The following TANC2 variants were observed in gnomAD, a reference collection of about 807,000 sequenced individuals.
The protein encoded by TANC2 is protein TANC2.
TANC2 carries 26 observed loss-of-function variants against 210.5 expected under a neutral mutation model. The ratio of observed to expected loss-of-function variants is 0.12; its 90% CI spans 0.09 to 0.17. TANC2 has a LOEUF of 0.17. Ranked by LOEUF, TANC2 falls within the 10% of genes least tolerant of loss-of-function variation. The pLI is 1.00. For missense variants in TANC2, 2,129 were observed against 2,608.9 expected, an observed-to-expected ratio of 0.82 and a Z score of 4.01; for synonymous variants, 931 against 967.1, an observed-to-expected ratio of 0.96 and a Z score of 0.69.
intron 2 of TANC2, among the ~76,000 whole-genome samples, chr17:63,072,353 A>G (rs903246041): frequency 2.0e-5 from 3 of 152,114 alleles, no homozygotes; most frequent in South Asian, 2.1e-4. Context: ...TTAAGTTTTA[A>G]TTTCAACAGA....
chr17:63,035,684 G>C (rs58159091), intron 2 of TANC2, among the ~76,000 whole-genome samples: 3,194 of 152,244 alleles, frequency 0.021, 104 homozygotes, highest in African/African-American at 0.071. Context: ...ATGGGTTTTT[G>C]TGTGAACATA....
intron 26 of TANC2, among the ~76,000 whole-genome samples, chr17:63,417,305 C>T (rs2048894061): frequency 6.6e-6 from 1 of 152,174 alleles, no homozygotes; most frequent in African/African-American, 2.4e-5. Context: ...TGACCATAAC[C>T]AGAGGCTACC....
chr17:63,406,021 A>G (rs1326606783), intron 20 of TANC2, 133 bp from the exon 21 acceptor site: 4 of 1,141,166 alleles, frequency 3.5e-6, no homozygotes, highest in African/African-American at 3.1e-5. Context: ...ACAGGTACTT[A>G]TGGGGGAAGT....
intron 2 of TANC2, among the ~76,000 whole-genome samples, chr17:63,016,190 A>G (rs899881124): frequency 3.3e-5 from 5 of 152,250 alleles, no homozygotes; most frequent in South Asian, 4.1e-4. Flanking sequence ...TTTGTACATC[A>G]GAAAATTAAC....
chr17:63,020,381 G>T (rs966463322), intron 2 of TANC2, among the ~76,000 whole-genome samples: 1 of 151,906 alleles, frequency 6.6e-6, no homozygotes, highest in African/African-American at 2.4e-5. Flanking sequence ...ATAGCTAACT[G>T]CAGTCTTAAA....
At chr17:63,355,139 G>A (rs750676383) in exon 14 of TANC2, 1 of 1,613,676 alleles carries the variant, frequency 6.2e-7, no homozygotes, top group Non-Finnish European at 8.5e-7. Flanking sequence ...CCTTTGACCG[G>A]GTGATGCCTC....
intron 7 of TANC2, among the ~76,000 whole-genome samples, chr17:63,220,210 G>A (rs560260990): frequency 6.6e-6 from 1 of 151,568 alleles, no homozygotes; most frequent in African/African-American, 2.4e-5. Context: ...CAGGAGAATC[G>A]CTTGAACCCA....
intron 3 of TANC2, among the ~76,000 whole-genome samples, chr17:63,095,210 C>G (rs577375426): frequency 6.6e-6 from 1 of 151,994 alleles, no homozygotes; most frequent in Non-Finnish European, 1.5e-5. Context: ...GGGTCTTACT[C>G]TGTTGCCCAG....
chr17:63,268,065 C>T (rs2043583419), intron 9 of TANC2, among the ~76,000 whole-genome samples, 192 bp downstream of exon 9: 1 of 152,164 alleles, frequency 6.6e-6, no homozygotes, highest in Admixed American at 6.5e-5. Flanking sequence ...TTGTACTCCT[C>T]ATAGACAGGC....
At chr17:63,109,166 TAAG>T (rs1168023250) in intron 4 of TANC2, among the ~76,000 whole-genome samples, 1 of 151,578 alleles carries the variant, frequency 6.6e-6, no homozygotes, top group Non-Finnish European at 1.5e-5. Context: ...AATGAACTAA[TAAG>T]GAGATCGAGG....
At chr17:63,427,142 G>C (rs2049165279) in exon 28 of TANC2, 1 of 152,260 alleles carries the variant, frequency 6.6e-6, no homozygotes, top group Non-Finnish European at 1.5e-5. Flanking sequence ...GCTCAGGGCA[G>C]GTGCCTTTTC....
In TANC2 at chr17:63,016,455, A is replaced by G. The variant is rs549057279; in HGVS notation, c.67+6829A>G. On this transcript the variant is annotated intron_variant, in intron 2 of 27. Coordinates refer to ENST00000689528, the Ensembl canonical transcript of TANC2. Reference sequence around the variant, plus strand: ...GCTGAATAATATTCTGTTGTGCCACATTTTGTTGGTCTGTTCTTCCTTTGA... The same window carrying G: ...GCTGAATAATATTCTGTTGTGCCACGTTTTGTTGGTCTGTTCTTCCTTTGA... Among the ~76,000 whole-genome samples, 4 of 152,172 alleles carry G rather than the reference A, an allele frequency of 2.6e-5. No homozygotes were observed. The South Asian group carries it at 8.3e-4, about 32-fold the overall frequency.
At chr17:63,181,908 C>T (rs1001033222) in intron 5 of TANC2, among the ~76,000 whole-genome samples, 10 of 152,210 alleles carry the variant, frequency 6.6e-5, no homozygotes, top group Admixed American at 4.6e-4. Flanking sequence ...TGCCTCGTGT[C>T]ACTACCACCC....
chr17:63,317,090 G>A (rs1427520601), intron 10 of TANC2, among the ~76,000 whole-genome samples: 1 of 152,022 alleles, frequency 6.6e-6, no homozygotes, highest in South Asian at 2.1e-4. Flanking sequence ...ATTAATAGTT[G>A]TAGTGATAAT....
At chr17:63,230,984 C>T (rs1425834627) in intron 7 of TANC2, among the ~76,000 whole-genome samples, 3 of 152,134 alleles carry the variant, frequency 2.0e-5, no homozygotes, top group African/African-American at 4.8e-5. Context: ...ATAGTTAGCT[C>T]TTACTGTTGA....
At position 63,413,592 on chromosome 17, in the gene TANC2, C is replaced by T. The variant is rs146084764; in HGVS notation, c.3978C>T (p.Ile1326=). ...CCTCCAAGCCAGACATCATGATCAT[C>T]CTGTTGAGCAAGCTGATGGAAGAGG... Residue 1326 remains isoleucine (I), a synonymous_variant, in exon 25 of 28, where the codon ATC becomes ATT. Transcript: ENST00000689528. 5,741 of 1,602,668 alleles carry T rather than the reference C, an allele frequency of 3.6e-3. 16 individuals carry two copies. The highest frequency in any genetic ancestry group is 4.2e-3 in the Non-Finnish European group (4,942 of 1,174,894).
At chr17:62,980,345 A>G (rs1466138019) in intron 1 of TANC2, among the ~76,000 whole-genome samples, 1 of 152,174 alleles carries the variant, frequency 6.6e-6, no homozygotes. Context: ...TGCTTTTCAT[A>G]TAGGTTATCT....
intron 7 of TANC2, among the ~76,000 whole-genome samples, chr17:63,226,312 C>A (rs1179715532): frequency 6.6e-6 from 1 of 152,156 alleles, no homozygotes; most frequent in East Asian, 1.9e-4. Flanking sequence ...TTATGTCCCT[C>A]AAAAGCCTTT....
intron 9 of TANC2, among the ~76,000 whole-genome samples, chr17:63,300,758 A>G (rs764965932): frequency 1.3e-5 from 2 of 152,164 alleles, no homozygotes; most frequent in Non-Finnish European, 2.9e-5. Flanking sequence ...TCCTATGTGA[A>G]TACACTTTAT....
Sources: allele counts gnomAD v4.1 joint callset (sites outside exome capture counted in the v4.1 genomes callset), GRCh38; gene constraint gnomAD v4.1.1; transcripts MANE v1.5; gene names NCBI Gene and HGNC (gene_info 2026-07-23, HGNC 2026-07-21).